ZNF184: variants seen among roughly 807,000 people sequenced by gnomAD.
The protein encoded by ZNF184 is zinc finger protein 184, also known as zinc finger protein 184 (Kruppel-like).
Under a neutral mutation model 54.4 loss-of-function variants are expected in ZNF184, and 16 were observed. The observed-to-expected ratio is 0.29, with a 90% CI of 0.20 to 0.45. The LOEUF (loss-of-function observed/expected upper bound fraction) is 0.45, where lower values mean the gene tolerates loss of function less well. Ranked by LOEUF, ZNF184 falls within the 20% of genes least tolerant of loss-of-function variation. The pLI is 1.00. For synonymous variants in ZNF184, 254 were observed against 295.3 expected (o/e 0.86, Z 1.43); for missense variants, 681 against 888.2 (o/e 0.77, Z 2.97).
rs149847540 is a variant in ZNF184 at position 27,456,872 on chromosome 6, T to C, written c.252A>G (p.Thr84=). Residue 84 remains threonine (T), a synonymous_variant, in exon 5 of 6, where the codon ACA becomes ACG. Coordinates refer to ENST00000683788, the MANE Select transcript of ZNF184 (RefSeq NM_001318891.2). ...TGCTTGGCTCCATGATCCATGGCTC[T>C]GTCCCTTGCTCTAACTGGGAAATCA... ...PDVISQLEQG[T]EPWIMEPSIP... 7.3e-5 allele frequency: 118 copies of C among 1,614,088 alleles called. No homozygotes were observed. The highest frequency in any genetic ancestry group is 9.0e-5 in the Non-Finnish European group (106 of 1,180,040).
At chr6:27,448,129 T>A (rs1762658923), downstream of ZNF184, among the ~76,000 whole-genome samples, 1 of 152,226 alleles carries the variant, frequency 6.6e-6, no homozygotes, top group South Asian at 2.1e-4. Flanking sequence ...TGAATTCTGA[T>A]TCCTCATCCC....
At chr6:27,407,310 C>T in the ZNF184 span, among the ~76,000 whole-genome samples, 2 of 152,216 alleles carry the variant, frequency 1.3e-5, no homozygotes. Context: ...ACACTGTCCA[C>T]CCTGTCTCGG....
intron 3 of ZNF184, among the ~76,000 whole-genome samples, chr6:27,462,185 C>G (rs1763011737): frequency 1.3e-5 from 2 of 152,020 alleles, no homozygotes; most frequent in African/African-American, 4.8e-5. Context: ...TAACTGCATC[C>G]CAGAATAAGG....
At chr6:27,431,706 G>A in the ZNF184 span, among the ~76,000 whole-genome samples, 5 of 152,288 alleles carry the variant, frequency 3.3e-5, no homozygotes, top group East Asian at 7.7e-4. Flanking sequence ...TGCTTTCATA[G>A]TAGAGCCAGA....
At chr6:27,432,252 G>T in the ZNF184 span, among the ~76,000 whole-genome samples, 88,698 of 151,964 alleles carry the variant, frequency 0.58, 26,412 homozygotes, top group Middle Eastern at 0.74. This position sits in a 1 kb window ranked among gnomAD's most constrained non-coding sequence, Gnocchi z 4.0. Flanking sequence ...GTTTCTGCAT[G>T]ATGGGCCAAT....
chr6:27,409,129 T>C, the ZNF184 span, among the ~76,000 whole-genome samples: 1 of 152,066 alleles, frequency 6.6e-6, no homozygotes, highest in African/African-American at 2.4e-5. Context: ...GAAAGGATGA[T>C]CGAATGGGAA....
chr6:27,405,445 T>A, the ZNF184 span: 1 of 152,204 alleles, frequency 6.6e-6, no homozygotes, highest in African/African-American at 2.4e-5. Flanking sequence ...GCACCCCAAC[T>A]AGACATAGCT....
Position 27,457,288 on chromosome 6 carries a change from G to A in ZNF184, c.197C>T (p.Ser66Phe). Residue 66 changes from serine (S) to phenylalanine (F), a missense_variant, in exon 4 of 6, where the codon TCT becomes TTT. Ser to Phe is a radical substitution (Grantham distance 155). Coordinates refer to ENST00000683788, the MANE Select transcript of ZNF184 (RefSeq NM_001318891.2). ...VTLENYTHLV[S>F]IGLQVSKPDV... Reference sequence around the variant, plus strand: ...CTCAGAGAAATTATCCTTACCTATAGAGACCAGGTGTGTATAATTTTCCAA... The same window carrying A: ...CTCAGAGAAATTATCCTTACCTATAAAGACCAGGTGTGTATAATTTTCCAA... 6.2e-7 allele frequency: 1 copy of A among 1,613,738 alleles called. No homozygotes were observed. Among genetic ancestry groups the A allele is most frequent in the Non-Finnish European group, 8.5e-7 (1 of 1,179,862 alleles).
intron 3 of ZNF184, among the ~76,000 whole-genome samples, chr6:27,459,146 A>G (rs907561071): frequency 9.9e-5 from 15 of 152,206 alleles, no homozygotes; most frequent in Admixed American, 3.9e-4. Context: ...GATGGAAGGA[A>G]TAAGTTCCAG....
chr6:27,411,014 T>C, the ZNF184 span, among the ~76,000 whole-genome samples: 1 of 152,148 alleles, frequency 6.6e-6, no homozygotes, highest in African/African-American at 2.4e-5. Flanking sequence ...GTCTTTGTGC[T>C]ACTACAACAA....
At chr6:27,431,529 A>G in the ZNF184 span, among the ~76,000 whole-genome samples, 1 of 152,160 alleles carries the variant, frequency 6.6e-6, no homozygotes, top group African/African-American at 2.4e-5. Flanking sequence ...ATGTTAATGG[A>G]TTGATTTTTT....
the ZNF184 span, chr6:27,407,008 A>AAGC: frequency 6.5e-6 from 1 of 152,696 alleles, no homozygotes; most frequent in African/African-American, 2.4e-5. Flanking sequence ...GTTTCCACTG[A>AAGC]AGCCCATCCT....
chr6:27,451,302 G>C lies in ZNF184; in HGVS notation c.*1C>G, dbSNP rs1404114483. 6.3e-7 allele frequency: 1 copy of C among 1,581,580 alleles called. No individual in the cohort carries two copies. The highest frequency in any genetic ancestry group is 1.2e-5 in the South Asian group (1 of 85,882). ...CTAAATTTATGATGTTCCTAGAATT[G>C]TCATATGCCAGGATGCAGTCTCTGA... On this transcript the variant is annotated 3_prime_UTR_variant, in exon 6 of 6. Transcript: ENST00000683788.
At chr6:27,438,076 C>T in the ZNF184 span, among the ~76,000 whole-genome samples, 2 of 152,128 alleles carry the variant, frequency 1.3e-5, no homozygotes, top group African/African-American at 4.8e-5. Flanking sequence ...TCCCAGAATG[C>T]ACTTCCTTCC....
the ZNF184 span, among the ~76,000 whole-genome samples, chr6:27,419,289 G>A: frequency 6.6e-6 from 1 of 152,036 alleles, no homozygotes; most frequent in Admixed American, 6.6e-5. This position sits in a 1 kb window ranked among gnomAD's most constrained non-coding sequence, Gnocchi z 4.8. Context: ...CTATTTTTCA[G>A]TAGAGACAGG....
intron 2 of ZNF184, among the ~76,000 whole-genome samples, chr6:27,469,174 C>T (rs543365806): frequency 6.6e-5 from 10 of 152,082 alleles, no homozygotes; most frequent in Admixed American, 1.3e-4. Context: ...AGACTAGAGG[C>T]GAATGTCTGA....
the ZNF184 span, among the ~76,000 whole-genome samples, chr6:27,423,624 G>C: frequency 3.9e-5 from 5 of 129,000 alleles, no homozygotes; most frequent in Non-Finnish European, 8.5e-5. Context: ...AAAGCATAAA[G>C]GGATGAAAAG....
the ZNF184 span, among the ~76,000 whole-genome samples, chr6:27,427,468 C>T: frequency 7.2e-5 from 11 of 152,210 alleles, no homozygotes; most frequent in Non-Finnish European, 1.6e-4. Flanking sequence ...CCTCCTACTT[C>T]TCTGACTTAC....
At chr6:27,436,575 G>A in the ZNF184 span, among the ~76,000 whole-genome samples, 2,106 of 152,212 alleles carry the variant, frequency 0.014, 43 homozygotes, top group African/African-American at 0.044. Context: ...GTGGTGTATC[G>A]CATTAACTTT....
Sources: allele counts gnomAD v4.1 joint callset (sites outside exome capture counted in the v4.1 genomes callset), GRCh38; gene constraint gnomAD v4.1.1; non-coding constraint Gnocchi (gnomAD v3.1); transcripts MANE v1.5; gene names NCBI Gene and HGNC (gene_info 2026-07-23, HGNC 2026-07-21).